CHD3: variants seen among roughly 807,000 people sequenced by gnomAD.
The protein encoded by CHD3 is ATP-dependent chromatin remodeler CHD3.
Under a neutral mutation model 248.9 loss-of-function variants are expected in CHD3, and 52 were observed. The observed-to-expected ratio is 0.21, with a 90% CI of 0.17 to 0.26. The LOEUF (loss-of-function observed/expected upper bound fraction) is 0.26. Ranked by LOEUF, CHD3 falls within the 10% of genes least tolerant of loss-of-function variation. CHD3 has a pLI of 1.00. For missense variants in CHD3, 1,482 were observed against 2,605.8 expected (o/e 0.57, Z 9.39); for synonymous variants, 985 against 985.2 (o/e 1.00, Z 0.00).
At position 7,907,411 on chromosome 17, in the gene CHD3, C is replaced by T. The variant is rs1170876967; in HGVS notation, c.4847C>T (p.Pro1616Leu). The change falls in exon 32 of 40, where the codon CCT becomes CTT. Residue 1616 changes from proline (P) to leucine (L), a missense_variant. Pro to Leu is a moderately conservative substitution (Grantham distance 98). This residue lies in a region of CHD3 where 254 missense variants were observed against 266.7 expected (regional missense o/e 0.95). Coordinates refer to ENST00000330494, the MANE Select transcript of CHD3 (RefSeq NM_001005273.3). The surrounding 1 kb of genome is among the most constrained non-coding windows in gnomAD (Gnocchi z 4.3). Reference protein sequence around the residue: ...LGERLEPRKIPLEDEVPGVPG... With the variant: ...LGERLEPRKILLEDEVPGVPG... ...GAGCGGCTGGAGCCAAGGAAGATTCCTCTAGAGGATGAGGTGCCAGGGGTG... is the reference window on the plus strand; with the variant it reads ...GAGCGGCTGGAGCCAAGGAAGATTCTTCTAGAGGATGAGGTGCCAGGGGTG... 6.2e-7 allele frequency: 1 copy of T among 1,611,328 alleles called. No individual in the cohort carries two copies. Among genetic ancestry groups the T allele is most frequent in the African/African-American group, 1.3e-5 (1 of 74,874 alleles).
intron 4 of CHD3, among the ~76,000 whole-genome samples, chr17:7,892,074 G>A (rs879477585): frequency 7.2e-5 from 11 of 152,180 alleles, no homozygotes; most frequent in African/African-American, 1.2e-4. Context: ...GGTTTGGTGG[G>A]ATAATGAATG....
Position 7,911,849 on chromosome 17 carries a change from A to C in CHD3, c.*264A>C. On this transcript the variant is annotated 3_prime_UTR_variant, in exon 40 of 40. Transcript: ENST00000330494. The surrounding 1 kb of genome is among the most constrained non-coding windows in gnomAD (Gnocchi z 5.4). ...GGGAGATGGCTGGCAGGGTCTTCCA[A>C]GTACCTTCCTCCCACACTGCCAAGT... 1 of 967,654 alleles carries C rather than the reference A, an allele frequency of 1.0e-6. No homozygotes were observed. Among genetic ancestry groups the C allele is most frequent in the Non-Finnish European group, 1.4e-6 (1 of 689,752 alleles). The allele number at this position is 967,654 out of a possible 1,614,324, so 59.9% of individuals were successfully genotyped here.
chr17:7,887,439 C>T (rs1330683899), upstream of CHD3, among the ~76,000 whole-genome samples: 1 of 119,638 alleles, frequency 8.4e-6, no homozygotes, highest in South Asian at 2.8e-4. Context: ...AATAATATAA[C>T]ATAATATATA....
chr17:7,907,243 C>T lies in CHD3; in HGVS notation c.4784C>T (p.Thr1595Ile). 6.2e-7 allele frequency: 1 copy of T among 1,614,206 alleles called. No individual in the cohort carries two copies. The highest frequency in any genetic ancestry group is 8.5e-7 in the Non-Finnish European group (1 of 1,180,034). ...KNSRIGEKME[T>I]EADAPSPAPS... ...AGCAGAATTGGGGAGAAGATGGAGACAGAGGTGTGTGGCTCCCTGGATTCC... is the reference window on the plus strand; with the variant it reads ...AGCAGAATTGGGGAGAAGATGGAGATAGAGGTGTGTGGCTCCCTGGATTCC... Residue 1595 changes from threonine (T) to isoleucine (I), a missense_variant, in exon 31 of 40, where the codon ACA becomes ATA. This residue lies in a region of CHD3 where 254 missense variants were observed against 266.7 expected (regional missense o/e 0.95). Transcript: ENST00000330494. The surrounding 1 kb of genome is among the most constrained non-coding windows in gnomAD (Gnocchi z 4.3).
chr17:7,894,624 C>G lies in CHD3; in HGVS notation c.1269+16C>G, dbSNP rs1055361714. On this transcript the variant is annotated intron_variant, in intron 8 of 39. Coordinates refer to ENST00000330494, the MANE Select transcript of CHD3 (RefSeq NM_001005273.3). ...CCCTCACTGTGTGAGTACCTAATGC[C>G]AGCATCTGATGGCCCTGAGGAACCC... 5 of 1,601,498 alleles carry G rather than the reference C, an allele frequency of 3.1e-6. No homozygotes were observed. Among genetic ancestry groups the G allele is most frequent in the Non-Finnish European group, 4.3e-6 (5 of 1,170,780 alleles).
chr17:7,894,370 TC>T, intron 7 of CHD3, 44 bp from the exon 8 acceptor site: 1 of 1,589,052 alleles, frequency 6.3e-7, no homozygotes, highest in Non-Finnish European at 8.6e-7. Flanking sequence ...TCTCTCCATC[TC>T]CCCCTGCCCT....
In CHD3 at chr17:7,906,736, G is replaced by A; in HGVS notation, c.4503+39G>A. 6.3e-7 allele frequency: 1 copy of A among 1,586,310 alleles called. No homozygotes were observed. The stretch of plus-strand genomic sequence containing the variant: ...TGTCACCCAAAGAATCAAGCTGGCT[G>A]CCTAGTCTCTGTCCTTCCTCTGCCT... On this transcript the variant is annotated intron_variant, in intron 29 of 39. Coordinates refer to ENST00000330494, the MANE Select transcript of CHD3 (RefSeq NM_001005273.3). This position sits in a 1 kb window ranked among gnomAD's most constrained non-coding sequence, Gnocchi z 5.0.
At position 7,897,164 on chromosome 17, in the gene CHD3, T is replaced by G; in HGVS notation, c.1789T>G (p.Ser597Ala). 1.9e-6 allele frequency: 3 copies of G among 1,614,144 alleles called. No individual in the cohort carries two copies. The highest frequency in any genetic ancestry group is 2.5e-6 in the Non-Finnish European group (3 of 1,180,016). The stretch of plus-strand genomic sequence containing the variant: ...TGAGCCCCCACCCCTGGACTATGGC[T>G]CCGGCGAGGATGATGGGAAGAGCGA... ...MDEPPPLDYG[S>A]GEDDGKSDKR... Residue 597 changes from serine to alanine, a missense_variant, in exon 11 of 40, where the codon TCC becomes GCC. Physicochemically the swap from Ser to Ala is moderately conservative, Grantham distance 99. This residue lies in a region of CHD3 where 127 missense variants were observed against 188.3 expected (regional missense o/e 0.67). Coordinates refer to ENST00000330494, the MANE Select transcript of CHD3 (RefSeq NM_001005273.3). This position sits in a 1 kb window ranked among gnomAD's most constrained non-coding sequence, Gnocchi z 4.8.
chr17:7,907,389 C>A lies in CHD3; in HGVS notation c.4825C>A (p.Arg1609=). The change falls in exon 32 of 40, where the codon CGG becomes AGG. Residue 1609 remains arginine, a synonymous_variant. Transcript: ENST00000330494. This position sits in a 1 kb window ranked among gnomAD's most constrained non-coding sequence, Gnocchi z 4.3. ...CAGCCCAGCCCCATCACTTGGGGAG[C>A]GGCTGGAGCCAAGGAAGATTCCTCT... ...APSPAPSLGE[R]LEPRKIPLED... The A allele has an allele frequency of 6.2e-7, 1 of 1,607,956 alleles. No homozygotes were observed.
At position 7,910,274 on chromosome 17, in the gene CHD3, A is replaced by G. The variant is rs1291918422; in HGVS notation, c.5591-154A>G. 3 of 918,188 alleles carry G rather than the reference A, an allele frequency of 3.3e-6. No individual in the cohort carries two copies. The highest frequency in any genetic ancestry group is 5.2e-6 in the Non-Finnish European group (3 of 582,308). The allele number at this position is 918,188 out of a possible 1,614,324, so 56.9% of individuals were successfully genotyped here. On this transcript the variant is annotated intron_variant, in intron 37 of 39. Coordinates refer to ENST00000330494, the MANE Select transcript of CHD3 (RefSeq NM_001005273.3). The surrounding 1 kb of genome is among the most constrained non-coding windows in gnomAD (Gnocchi z 4.7). ...CTTCTGTTTTCCATCTACTTCTTTT[A>G]CTTTCTTGATCTCTGGTTCTTTGAC... is the stretch of plus-strand genomic sequence containing the variant.
At chr17:7,892,027 G>A (rs558271516) in intron 4 of CHD3, among the ~76,000 whole-genome samples, 36 of 152,190 alleles carry the variant, frequency 2.4e-4, no homozygotes, top group African/African-American at 8.2e-4. Flanking sequence ...TTCTATAAAC[G>A]GGGAATAATA....
chr17:7,906,267 C>G lies in CHD3; in HGVS notation c.4358+278C>G, dbSNP rs1354543288. 1.4e-6 allele frequency: 1 copy of G among 698,396 alleles called. No individual in the cohort carries two copies. The highest frequency in any genetic ancestry group is 2.5e-5 in the East Asian group (1 of 39,262). The allele number at this position is 698,396 out of a possible 1,614,324, so 43.3% of individuals were successfully genotyped here. On this transcript the variant is annotated intron_variant, in intron 28 of 39. Coordinates refer to ENST00000330494, the MANE Select transcript of CHD3 (RefSeq NM_001005273.3). This position sits in a 1 kb window ranked among gnomAD's most constrained non-coding sequence, Gnocchi z 5.0. The stretch of plus-strand genomic sequence containing the variant: ...CTGTCCTAGCCTCACATTTACTTGA[C>G]CACAATAACCTGGCAGGAGGAGCTG...
chr17:7,906,690 A>G lies in CHD3; in HGVS notation c.4496A>G (p.Lys1499Arg), dbSNP rs757119865. The G allele has an allele frequency of 5.0e-6, 8 of 1,604,022 alleles. No individual in the cohort carries two copies. Among genetic ancestry groups the G allele is most frequent in the Non-Finnish European group, 6.8e-6 (8 of 1,174,622 alleles). The change falls in exon 29 of 40, where the codon AAA becomes AGA. Residue 1499 changes from lysine to arginine, a missense_variant. Lys to Arg is a conservative substitution (Grantham distance 26). Coordinates refer to ENST00000330494, the MANE Select transcript of CHD3 (RefSeq NM_001005273.3). The surrounding 1 kb of genome is among the most constrained non-coding windows in gnomAD (Gnocchi z 5.0). ...LTRIGVMSLV[K>R]KKVQEFEHIN... is the part of the protein sequence containing the mutation. ...CGCATTGGAGTCATGTCTCTCGTCA[A>G]AAAGAAGGTATCAGTCTTCCTGTCA... is the stretch of plus-strand genomic sequence containing the variant.
At position 7,907,798 on chromosome 17, in the gene CHD3, G is replaced by A; in HGVS notation, c.5026+96G>A. ...ATGCTTGGGTCCTGGGCGGGTAGCT[G>A]TTTGAAAGGCCAGTACAGTACAGTA... On this transcript the variant is annotated intron_variant, in intron 33 of 39. Transcript: ENST00000330494. This position sits in a 1 kb window ranked among gnomAD's most constrained non-coding sequence, Gnocchi z 4.3. 1 of 1,514,694 alleles carries A rather than the reference G, an allele frequency of 6.6e-7. No homozygotes were observed. Among genetic ancestry groups the A allele is most frequent in the Non-Finnish European group, 8.8e-7 (1 of 1,132,720 alleles). 93.8% of individuals were successfully genotyped at this position (1,514,694 alleles called of 1,614,324 possible).
At chr17:7,891,198 C>T (rs187075787) in intron 4 of CHD3, 134 bp downstream of exon 4, 386 of 1,073,924 alleles carry the variant, frequency 3.6e-4, no homozygotes, top group Middle Eastern at 6.3e-4. Flanking sequence ...AAATTCTACA[C>T]GTCATTTCAG....
chr17:7,905,851 C>T lies in CHD3; in HGVS notation c.4225-5C>T. 1.9e-6 allele frequency: 3 copies of T among 1,614,192 alleles called. No individual in the cohort carries two copies. The highest frequency in any genetic ancestry group is 1.1e-5 in the South Asian group (1 of 91,088). ...TCGCCATTGCCTCCTTGCTCCCACC[C>T]TCAGGTGCTGGGCTTCAACACCCGT... On this transcript the variant is annotated splice_region_variant and splice_polypyrimidine_tract_variant and intron_variant, in intron 27 of 39. Transcript: ENST00000330494. The surrounding 1 kb of genome is among the most constrained non-coding windows in gnomAD (Gnocchi z 5.8).
chr17:7,903,586 A>T lies in CHD3; in HGVS notation c.3727+83A>T. 2 of 1,219,938 alleles carry T rather than the reference A, an allele frequency of 1.6e-6. No individual in the cohort carries two copies. Among genetic ancestry groups the T allele is most frequent in the Non-Finnish European group, 2.3e-6 (2 of 862,332 alleles). The allele number at this position is 1,219,938 out of a possible 1,614,324, so 75.6% of individuals were successfully genotyped here. A position where few individuals can be genotyped will look rare whatever the true frequency, so the allele number is the denominator to read the frequency against. ...ATCAGCCCCCTGGGGAGAGAAAAAC[A>T]ACTCTTCTCTGCAGCCTTTGAAGGA... On this transcript the variant is annotated intron_variant, in intron 23 of 39. Coordinates refer to ENST00000330494, the MANE Select transcript of CHD3 (RefSeq NM_001005273.3). The surrounding 1 kb of genome is among the most constrained non-coding windows in gnomAD (Gnocchi z 6.8).
rs1969144450 is a variant in CHD3 at position 7,893,290 on chromosome 17, C to T, written c.514C>T (p.Leu172=). ...TTTCTGCTTCTATATTTACAGGCCC[C>T]TAATTGCTAAGAAGAATCCTAAGAT... The part of the protein sequence containing the change: ...YKAFSQFMRP[L]IAKKNPKIPM... Residue 172 remains leucine (L), a synonymous_variant, in exon 5 of 40, where the codon CTA becomes TTA. Coordinates refer to ENST00000330494, the MANE Select transcript of CHD3 (RefSeq NM_001005273.3). The T allele has an allele frequency of 6.2e-7, 1 of 1,607,290 alleles. No individual in the cohort carries two copies. The highest frequency in any genetic ancestry group is 1.1e-5 in the South Asian group (1 of 90,700).
At chr17:7,901,426 C>T (rs766200886) in intron 20 of CHD3, 51 bp downstream of exon 20, 2 of 1,482,922 alleles carry the variant, frequency 1.3e-6, no homozygotes, top group Non-Finnish European at 1.8e-6. Flanking sequence ...TCCCTCTCCT[C>T]ATCCTCCAGA....
Sources: gnomAD v4.1 joint callset for allele counts (sites outside exome capture counted in the v4.1 genomes callset) on GRCh38, gnomAD v4.1.1 for gene constraint, gnomAD v4.1.1 regional missense constraint, Gnocchi (gnomAD v3.1) non-coding constraint, MANE v1.5 for transcripts, NCBI Gene and HGNC (gene_info 2026-07-23, HGNC 2026-07-21) for gene names.